LRP1: variants seen among roughly 807,000 people sequenced by gnomAD.
The protein encoded by LRP1 is LDL receptor related protein 1, also known as prolow-density lipoprotein receptor-related protein 1.
Under a neutral mutation model 541.5 loss-of-function variants are expected in LRP1, and 51 were observed. That is an observed-to-expected ratio of 0.09 (90% CI 0.08 to 0.12). The LOEUF (loss-of-function observed/expected upper bound fraction) is 0.12. Among genes scored for constraint, LRP1 ranks in the 10% least tolerant of loss-of-function variants. The pLI is 1.00. For missense variants in LRP1, 3,878 were observed against 6,376.2 expected (o/e 0.61, Z 13.34); for synonymous variants, 2,219 against 2,470.8 (o/e 0.90, Z 3.02).
rs1435146897 is a variant in LRP1, at chr12:57,156,059, A to G, written c.1228-35A>G. The G allele has an allele frequency of 6.3e-7, 1 of 1,589,836 alleles. No homozygotes were observed. The highest frequency in any genetic ancestry group is 8.6e-7 in the Non-Finnish European group (1 of 1,162,792). Reference sequence around the variant, plus strand: ...CAGGACAGAGGGAGGAACCCCTGTCATCTCATGCTGTCCATTCTTGCCTGC... The same window carrying G: ...CAGGACAGAGGGAGGAACCCCTGTCGTCTCATGCTGTCCATTCTTGCCTGC... On this transcript the variant is annotated intron_variant, in intron 8 of 88. Coordinates refer to ENST00000243077, the MANE Select transcript of LRP1 (RefSeq NM_002332.3). The surrounding 1 kb of genome is among the most constrained non-coding windows in gnomAD (Gnocchi z 5.2).
chr12:57,187,476 T>A lies in LRP1; in HGVS notation c.7031+20T>A. 6.2e-7 allele frequency: 1 copy of A among 1,605,984 alleles called. No individual in the cohort carries two copies. On this transcript the variant is annotated intron_variant, in intron 42 of 88. Transcript: ENST00000243077. ...CCAGAAGTGAGCTGCTGCCTGGGGATGGGGGTAGCAGGGAGAGGTGGGACT... is the reference window on the plus strand; with the variant it reads ...CCAGAAGTGAGCTGCTGCCTGGGGAAGGGGGTAGCAGGGAGAGGTGGGACT...
intron 1 of LRP1, among the ~76,000 whole-genome samples, chr12:57,137,531 G>A (rs1013882010): frequency 6.6e-6 from 1 of 152,118 alleles, no homozygotes; most frequent in Non-Finnish European, 1.5e-5. Context: ...TCTAACCAAG[G>A]GAGGCTGTGT....
rs369163027 is a variant in LRP1 at position 57,144,967 on chromosome 12, G to A, written c.449-5G>A. The A allele has an allele frequency of 1.6e-5, 26 of 1,613,122 alleles. No individual in the cohort carries two copies. Among genetic ancestry groups the A allele is most frequent in the African/African-American group, 4.0e-5 (3 of 74,998 alleles). On this transcript the variant is annotated splice_polypyrimidine_tract_variant and splice_region_variant and intron_variant, in intron 4 of 88. Coordinates refer to ENST00000243077, the MANE Select transcript of LRP1 (RefSeq NM_002332.3). ...ATGACCACATTCTTGCCCTTTCCTC[G>A]GCAGATTTTGATGAGTGCTCAGTGT...
intron 79 of LRP1, 113 bp downstream of exon 79, chr12:57,209,312 G>C: frequency 1.1e-6 from 1 of 878,132 alleles, no homozygotes. Flanking sequence ...CTGACCCCCA[G>C]CAATGCTGCA....
chr12:57,202,524 T>G lies in LRP1; in HGVS notation c.10698T>G (p.Asp3566Glu), dbSNP rs1407200404. ...DYDNDCGDNS[D>E]EESCTPRPCS... ...ACAACGATTGCGGTGACAACTCCGA[T>G]GAAGAGAGCTGCAGTACGTCCCCAC... The change falls in exon 68 of 89, where the codon GAT (aspartate) becomes GAG (glutamate). Residue 3566 changes from aspartate to glutamate, a missense_variant. Around this residue, in one of 13 missense-constraint regions of LRP1, gnomAD observed 278 missense variants for 536.3 expected, o/e 0.52. Transcript: ENST00000243077. 6.2e-7 allele frequency: 1 copy of G among 1,608,336 alleles called. No individual in the cohort carries two copies. The highest frequency in any genetic ancestry group is 1.7e-5 in the Admixed American group (1 of 59,286).
intron 52 of LRP1, 84 bp downstream of exon 52, chr12:57,195,483 A>T: frequency 6.3e-7 from 1 of 1,582,754 alleles, no homozygotes; most frequent in Non-Finnish European, 8.6e-7. Context: ...GGTGCAGGAG[A>T]GGAAATGCCT....
In LRP1 at chr12:57,185,301, C is replaced by A; in HGVS notation, c.6463+96C>A. 1 of 1,519,696 alleles carries A rather than the reference C, an allele frequency of 6.6e-7. No individual in the cohort carries two copies. 94.1% of individuals were successfully genotyped at this position (1,519,696 alleles called of 1,614,324 possible). On this transcript the variant is annotated intron_variant, in intron 40 of 88. Coordinates refer to ENST00000243077, the MANE Select transcript of LRP1 (RefSeq NM_002332.3). The surrounding 1 kb of genome is among the most constrained non-coding windows in gnomAD (Gnocchi z 4.9). Reference sequence around the variant, plus strand: ...AACCCAGTGTGAGAGGGCTGGGAGACAAGTTAGACCCATGGGGCAACTTCC... The same window carrying A: ...AACCCAGTGTGAGAGGGCTGGGAGAAAAGTTAGACCCATGGGGCAACTTCC...
At chr12:57,181,338 T>C (rs2036163012) in intron 34 of LRP1, 47 bp downstream of exon 34, 1 of 1,577,994 alleles carries the variant, frequency 6.3e-7, no homozygotes, top group Non-Finnish European at 8.6e-7. Context: ...TCCCCAACCC[T>C]GACCCCTCCT....
At chr12:57,139,911 C>T (rs1035885337) in intron 2 of LRP1, among the ~76,000 whole-genome samples, 4 of 152,286 alleles carry the variant, frequency 2.6e-5, no homozygotes, top group East Asian at 1.9e-4. Flanking sequence ...CACTACCTAC[C>T]GCTGCATGCT....
intron 15 of LRP1, among the ~76,000 whole-genome samples, chr12:57,163,622 T>C (rs1413096840): frequency 1.3e-5 from 2 of 151,548 alleles, no homozygotes; most frequent in African/African-American, 4.9e-5. Flanking sequence ...ATAATATATA[T>C]GTTGGAAATT....
rs1440642498 is a variant in LRP1, at chr12:57,196,089, C to T, written c.8704C>T (p.His2902Tyr). 1 of 1,607,544 alleles carries T rather than the reference C, an allele frequency of 6.2e-7. No individual in the cohort carries two copies. The highest frequency in any genetic ancestry group is 1.3e-5 in the African/African-American group (1 of 74,860). Reference sequence around the variant, plus strand: ...CTGCCGCCTCCGCCCCTCCGCAGAGCACAAGTGCAATGCCTCGTCACAGTT... The same window carrying T: ...CTGCCGCCTCCGCCCCTCCGCAGAGTACAAGTGCAATGCCTCGTCACAGTT... ...PKNPHCTSQE[H>Y]KCNASSQFLC... Residue 2902 changes from histidine (H) to tyrosine (Y), a missense_variant and splice_region_variant, in exon 55 of 89, where the codon CAC (histidine) becomes TAC (tyrosine). His to Tyr is a moderately conservative substitution (Grantham distance 83). Around this residue, in one of 13 missense-constraint regions of LRP1, gnomAD observed 1,100 missense variants for 1,827.4 expected, o/e 0.60. Coordinates refer to ENST00000243077, the MANE Select transcript of LRP1 (RefSeq NM_002332.3).
Position 57,201,372 on chromosome 12 carries a change from G to T in LRP1, c.10346-125G>T, listed in dbSNP as rs1462418853. 2.5e-5 allele frequency: 36 copies of T among 1,447,750 alleles called. No homozygotes were observed. Among genetic ancestry groups the T allele is most frequent in the African/African-American group, 4.2e-5 (3 of 70,662 alleles). The allele number at this position is 1,447,750 out of a possible 1,614,324, so 89.7% of individuals were successfully genotyped here. On this transcript the variant is annotated intron_variant, in intron 65 of 88. Coordinates refer to ENST00000243077, the MANE Select transcript of LRP1 (RefSeq NM_002332.3). The surrounding 1 kb of genome is among the most constrained non-coding windows in gnomAD (Gnocchi z 6.4). ...AAAGCACCAAAACTGGGGATAAACT[G>T]TTCCTTCCTCCGAAGAAGTTGCTGG...
At chr12:57,129,448 G>A (rs2034992554) in intron 1 of LRP1, among the ~76,000 whole-genome samples, 2 of 152,166 alleles carry the variant, frequency 1.3e-5, no homozygotes, top group Admixed American at 1.3e-4. Context: ...GGTGGGGGGG[G>A]TGGCTTTTGC....
chr12:57,143,514 T>C (rs140847681), intron 3 of LRP1, among the ~76,000 whole-genome samples, 165 bp from the exon 4 acceptor site: 1 of 152,336 alleles, frequency 6.6e-6, no homozygotes, highest in East Asian at 1.9e-4. Flanking sequence ...TTCAGTTTCT[T>C]CACTTGTGAA....
At position 57,177,947 on chromosome 12, in the gene LRP1, CTTT is replaced by C. The variant is rs34010163; in HGVS notation, c.4361+373_4361+375del. 6.6e-5 allele frequency among the ~76,000 whole-genome samples: 8 copies of C among 121,362 alleles called. No homozygotes were observed. Among genetic ancestry groups the C allele is most frequent in the African/African-American group, 1.4e-4 (4 of 29,150 alleles). The allele number at this position is 121,362 out of a possible 152,430, so 79.6% of individuals were successfully genotyped here. On this transcript the variant is annotated intron_variant, in intron 26 of 88. Coordinates refer to ENST00000243077, the MANE Select transcript of LRP1 (RefSeq NM_002332.3). The surrounding 1 kb of genome is among the most constrained non-coding windows in gnomAD (Gnocchi z 6.8). Reference sequence around the variant, plus strand: ...CCCAGGGAGGGTGCCTTTTTCTTTTCTTTTTTTTTTTTTTTTTTTGAGACAGAG... The same window carrying C: ...CCCAGGGAGGGTGCCTTTTTCTTTTCTTTTTTTTTTTTTTTTGAGACAGAG...
At chr12:57,144,618 T>A (rs1477389851) in intron 4 of LRP1, 2 of 251,266 alleles carry the variant, frequency 8.0e-6, no homozygotes, top group African/African-American at 4.3e-5. Context: ...TTGTTTCATA[T>A]GTTATTATAG....
chr12:57,131,673 A>G (rs967077130), intron 1 of LRP1, among the ~76,000 whole-genome samples: 2 of 152,126 alleles, frequency 1.3e-5, no homozygotes, highest in Non-Finnish European at 2.9e-5. Flanking sequence ...ATGTGTAAGA[A>G]ATTCATTTTG....
chr12:57,169,350 C>T, intron 20 of LRP1, 43 bp downstream of exon 20: 1 of 1,540,894 alleles, frequency 6.5e-7, no homozygotes, highest in Non-Finnish European at 8.8e-7. Context: ...GATCGAGCCC[C>T]CTGCATCAGA....
chr12:57,173,670 C>T lies in LRP1; in HGVS notation c.3347-110C>T, dbSNP rs536560330. 5.9e-6 allele frequency: 7 copies of T among 1,181,618 alleles called. No individual in the cohort carries two copies. In the African/African-American group the frequency reaches 1.1e-4, roughly 18 times the overall value. The allele number at this position is 1,181,618 out of a possible 1,614,324, so 73.2% of individuals were successfully genotyped here. A position where few individuals can be genotyped will look rare whatever the true frequency, so the allele number is the denominator to read the frequency against. On this transcript the variant is annotated intron_variant, in intron 21 of 88. Transcript: ENST00000243077. The surrounding 1 kb of genome is among the most constrained non-coding windows in gnomAD (Gnocchi z 4.7). The stretch of plus-strand genomic sequence containing the variant: ...AAGCCTCGGGGTTCCTCGTGGACCC[C>T]ACAGCGTTGCAATCCTGACCCTATT...
Sources: gnomAD v4.1 joint callset for allele counts (sites outside exome capture counted in the v4.1 genomes callset) on GRCh38, gnomAD v4.1.1 for gene constraint, gnomAD v4.1.1 regional missense constraint, Gnocchi (gnomAD v3.1) non-coding constraint, MANE v1.5 for transcripts, NCBI Gene and HGNC (gene_info 2026-07-23, HGNC 2026-07-21) for gene names.